Variants in VTI1A observed in about 807,000 individuals in gnomAD.
The protein encoded by VTI1A is vesicle transport through interaction with t-SNAREs homolog 1A.
Under a neutral mutation model 34.9 loss-of-function variants are expected in VTI1A, and 22 were observed. The ratio of observed to expected loss-of-function variants is 0.63; its 90% confidence interval spans 0.45 to 0.90. The LOEUF (loss-of-function observed/expected upper bound fraction) is 0.90. VTI1A is among the 40% of genes least tolerant of loss of function. VTI1A has a pLI of 0.00. For missense variants in VTI1A, 268 were observed against 275.6 expected, an observed-to-expected ratio of 0.97 and a Z score of 0.20; for synonymous variants, 87 against 97.3, an observed-to-expected ratio of 0.89 and a Z score of 0.62.
At chr10:112,631,906 A>G (rs1279963897) in intron 5 of VTI1A, among the ~76,000 whole-genome samples, 1 of 152,188 alleles carries the variant, frequency 6.6e-6, no homozygotes, top group African/African-American at 2.4e-5. Context: ...TATTTCGCCT[A>G]TTTTTGTTTA....
chr10:112,676,429 T>C lies in VTI1A; in HGVS notation c.560+7431T>C, dbSNP rs908940335. On this transcript the variant is annotated intron_variant, in intron 7 of 7. Coordinates refer to ENST00000393077, the MANE Select transcript of VTI1A (RefSeq NM_145206.4). ...GTTGGTCTCTGTGCTTCTTCTTCCC[T>C]TCTTTTGCCCTTTTGAATATTATTG... Among the ~76,000 whole-genome samples, 5 of 152,164 alleles carry C rather than the reference T, an allele frequency of 3.3e-5. 1 individual carries two copies. In the East Asian group the frequency reaches 9.6e-4, roughly 29 times the overall value.
intron 5 of VTI1A, among the ~76,000 whole-genome samples, chr10:112,597,720 C>T (rs1157643817): frequency 1.6e-4 from 11 of 67,982 alleles, no homozygotes; most frequent in Non-Finnish European, 2.2e-4. Context: ...TTTTTTGAGA[C>T]GGAGTCTCGC....
In VTI1A at chr10:112,620,132, T is replaced by A. The variant is rs547906835; in HGVS notation, c.428-48086T>A. On this transcript the variant is annotated intron_variant, in intron 5 of 7. Transcript: ENST00000393077. Reference sequence around the variant, plus strand: ...CTTTGTGTAATATTAACAGTGTGTGTTGTTCCTTTCACTTAATTATTATTG... The same window carrying A: ...CTTTGTGTAATATTAACAGTGTGTGATGTTCCTTTCACTTAATTATTATTG... 2.6e-5 allele frequency among the ~76,000 whole-genome samples: 4 copies of A among 152,352 alleles called. No homozygotes were observed. In the South Asian group the frequency reaches 8.3e-4, roughly 32 times the overall value.
At chr10:112,626,996 A>G (rs1406318102) in intron 5 of VTI1A, among the ~76,000 whole-genome samples, 1 of 152,248 alleles carries the variant, frequency 6.6e-6, no homozygotes, top group Non-Finnish European at 1.5e-5. Context: ...CTAATAGCCA[A>G]TTAATTAAAC....
intron 7 of VTI1A, among the ~76,000 whole-genome samples, chr10:112,778,038 G>T (rs1448717203): frequency 5.3e-5 from 8 of 152,102 alleles, no homozygotes; most frequent in Non-Finnish European, 1.0e-4. Flanking sequence ...GGAGGCAGAG[G>T]TTGCAGTGAG....
At chr10:112,679,164 C>T (rs2133855916) in intron 7 of VTI1A, among the ~76,000 whole-genome samples, 1 of 152,152 alleles carries the variant, frequency 6.6e-6, no homozygotes, top group South Asian at 2.1e-4. Flanking sequence ...CCTATTTATA[C>T]CACACAAGCA....
chr10:112,640,893 T>G (rs908774723), intron 5 of VTI1A, among the ~76,000 whole-genome samples: 4 of 152,138 alleles, frequency 2.6e-5, no homozygotes, highest in Admixed American at 2.6e-4. Context: ...TTGTCTGGGC[T>G]CCAGAAAGAC....
At chr10:112,479,442 G>A (rs1276360681) in intron 3 of VTI1A, among the ~76,000 whole-genome samples, 1 of 152,112 alleles carries the variant, frequency 6.6e-6, no homozygotes, top group Non-Finnish European at 1.5e-5. Context: ...CTTATCTGAT[G>A]AAAACTTCTT....
chr10:112,822,573 C>G (rs866053152), downstream of VTI1A, among the ~76,000 whole-genome samples: 2 of 152,182 alleles, frequency 1.3e-5, no homozygotes, highest in Non-Finnish European at 2.9e-5. Flanking sequence ...CTGAGCAGAC[C>G]TTCCCCACAC....
intron 7 of VTI1A, among the ~76,000 whole-genome samples, chr10:112,712,523 T>G (rs1194245134): frequency 6.7e-6 from 1 of 148,314 alleles, no homozygotes; most frequent in East Asian, 2.0e-4. Context: ...TTAAATGATA[T>G]AAATCTAGTT....
chr10:112,741,009 A>G (rs1311277897), intron 7 of VTI1A, among the ~76,000 whole-genome samples: 1 of 152,248 alleles, frequency 6.6e-6, no homozygotes, highest in Admixed American at 6.5e-5. Flanking sequence ...TCCAACATGG[A>G]TAAACCTGAA....
At chr10:112,734,649 A>G (rs946026640) in intron 7 of VTI1A, among the ~76,000 whole-genome samples, 3 of 143,108 alleles carry the variant, frequency 2.1e-5, no homozygotes, top group Admixed American at 1.4e-4. Flanking sequence ...GTCCTCAATA[A>G]ATTTCTTTTT....
At chr10:112,757,065 G>T (rs1008915445) in intron 7 of VTI1A, among the ~76,000 whole-genome samples, 3 of 150,288 alleles carry the variant, frequency 2.0e-5, no homozygotes. Flanking sequence ...AAAAAAAGAT[G>T]CATCATTATG....
At chr10:112,557,161 G>C (rs937559139) in intron 5 of VTI1A, among the ~76,000 whole-genome samples, 1 of 151,804 alleles carries the variant, frequency 6.6e-6, no homozygotes, top group African/African-American at 2.4e-5. Flanking sequence ...ATTCTTAATA[G>C]CCTCTTTTAC....
At chr10:112,796,830 CCT>C (rs1416408195) in intron 7 of VTI1A, among the ~76,000 whole-genome samples, 1 of 152,048 alleles carries the variant, frequency 6.6e-6, no homozygotes, top group Non-Finnish European at 1.5e-5. Context: ...TTTTTTTCCC[CCT>C]TTCTGCAGTT....
rs7090534 is a variant in VTI1A, at chr10:112,775,058, G to A, written c.561-40232G>A. On this transcript the variant is annotated intron_variant, in intron 7 of 7. Coordinates refer to ENST00000393077, the MANE Select transcript of VTI1A (RefSeq NM_145206.4). ...CCCTAATAGACTCTCACTGAACGTC[G>A]GTCAGTTAGCTGAGTGATATTGAGG... Among the ~76,000 whole-genome samples the A allele has an allele frequency of 6.5e-3, 993 of 152,192 alleles. 13 individuals are homozygous for A. The highest frequency in any genetic ancestry group is 0.023 in the African/African-American group (954 of 41,514).
intron 5 of VTI1A, among the ~76,000 whole-genome samples, chr10:112,606,046 CAG>C (rs1211627580): frequency 2.9e-5 from 4 of 139,608 alleles, no homozygotes; most frequent in Non-Finnish European, 4.6e-5. Context: ...TTTTTTGAGA[CAG>C]AGTTTTGCTT....
At chr10:112,464,755 T>A (rs1847841571) in intron 3 of VTI1A, 98 bp downstream of exon 3, 1 of 1,010,588 alleles carries the variant, frequency 9.9e-7, no homozygotes, top group East Asian at 2.6e-5. Flanking sequence ...TTTGGGCTCA[T>A]GTAGAAGACA....
intron 7 of VTI1A, among the ~76,000 whole-genome samples, chr10:112,798,029 C>A (rs1163145918): frequency 7.3e-6 from 1 of 137,018 alleles, no homozygotes. Flanking sequence ...TTCGCAGGGA[C>A]ACACACTGTG....
Sources: gnomAD v4.1 joint callset for allele counts (sites outside exome capture counted in the v4.1 genomes callset) on GRCh38, gnomAD v4.1.1 for gene constraint, MANE v1.5 for transcripts, NCBI Gene and HGNC (gene_info 2026-07-23, HGNC 2026-07-21) for gene names.